The following TMEM178B variants were observed in gnomAD, a reference collection of about 807,000 sequenced individuals.
TMEM178B encodes the protein transmembrane protein 178B.
TMEM178B carries 5 observed loss-of-function variants against 31.0 expected under a neutral mutation model. The ratio of observed to expected loss-of-function variants is 0.16; its 90% CI spans 0.08 to 0.34. The LOEUF (loss-of-function observed/expected upper bound fraction) is 0.34, where lower values mean the gene tolerates loss of function less well. Ranked by LOEUF, TMEM178B falls within the 10% of genes least tolerant of loss-of-function variation. The pLI is 1.00. For synonymous variants in TMEM178B, 164 were observed against 164.0 expected (o/e 1.00, Z 0.00); for missense variants, 275 against 400.3 (o/e 0.69, Z 2.67).
chr7:141,454,460 GTCAGCCT>G (rs1801924103), intron 3 of TMEM178B, among the ~76,000 whole-genome samples: 1 of 152,142 alleles, frequency 6.6e-6, no homozygotes, highest in South Asian at 2.1e-4. Flanking sequence ...TCTCCATGTG[GTCAGCCT>G]TCCTGGGGTC....
Position 141,297,626 on chromosome 7 carries a change from G to A in TMEM178B, c.496+84922G>A, listed in dbSNP as rs1488245532. ...GTGGTGTTTGTTTTTCTGTCCTTGC[G>A]ATAGTTTGCTGAGAATGATGGTTTC... is the stretch of plus-strand genomic sequence containing the variant. On this transcript the variant is annotated intron_variant, in intron 2 of 3. Coordinates refer to ENST00000565468, the MANE Select transcript of TMEM178B (RefSeq NM_001195278.2). Among the ~76,000 whole-genome samples the A allele has an allele frequency of 3.9e-5, 6 of 152,196 alleles. No homozygotes were observed. The East Asian group carries it at 5.8e-4, about 15-fold the overall frequency.
intron 3 of TMEM178B, among the ~76,000 whole-genome samples, chr7:141,447,814 CA>C: frequency 6.6e-6 from 1 of 151,966 alleles, no homozygotes; most frequent in Non-Finnish European, 1.5e-5. Context: ...TTGTGGGGCC[CA>C]GTGCAGGATG....
chr7:141,432,297 C>T (rs556161575), intron 2 of TMEM178B, among the ~76,000 whole-genome samples: 4 of 151,946 alleles, frequency 2.6e-5, no homozygotes, highest in Admixed American at 1.3e-4. Flanking sequence ...CTATGATTAC[C>T]GGGGCATGCC....
intron 2 of TMEM178B, among the ~76,000 whole-genome samples, chr7:141,372,273 G>A (rs1800131428): frequency 6.6e-6 from 1 of 152,044 alleles, no homozygotes; most frequent in Non-Finnish European, 1.5e-5. Context: ...CCTTCTCTTG[G>A]TGACCTACAG....
intron 1 of TMEM178B, among the ~76,000 whole-genome samples, chr7:141,208,736 C>T (rs1797004859): frequency 1.3e-5 from 2 of 152,130 alleles, no homozygotes; most frequent in African/African-American, 4.8e-5. Context: ...GGCTGGGCTG[C>T]GGTTGGAGGA....
intron 2 of TMEM178B, among the ~76,000 whole-genome samples, chr7:141,383,326 G>T (rs376883435): frequency 1.3e-5 from 2 of 150,750 alleles, no homozygotes; most frequent in African/African-American, 4.9e-5. Flanking sequence ...CCATTAACTC[G>T]TCATTTACAT....
intron 1 of TMEM178B, among the ~76,000 whole-genome samples, chr7:141,103,350 C>G (rs1212449232): frequency 6.6e-6 from 1 of 152,186 alleles, no homozygotes; most frequent in Non-Finnish European, 1.5e-5. Context: ...AGCATGTTTT[C>G]TCTCTCGTAT....
chr7:141,423,016 G>T (rs1801242592), intron 2 of TMEM178B, among the ~76,000 whole-genome samples: 1 of 152,134 alleles, frequency 6.6e-6, no homozygotes, highest in Non-Finnish European at 1.5e-5. Flanking sequence ...GACACAAAAA[G>T]AAACAGGTAA....
chr7:141,137,279 C>T (rs1795690159), intron 1 of TMEM178B, among the ~76,000 whole-genome samples: 1 of 152,142 alleles, frequency 6.6e-6, no homozygotes, highest in Admixed American at 6.5e-5. Context: ...TATTGCAGCA[C>T]TATTCACAAT....
At chr7:141,112,556 A>G (rs1488774361) in intron 1 of TMEM178B, among the ~76,000 whole-genome samples, 2 of 152,188 alleles carry the variant, frequency 1.3e-5, no homozygotes. Flanking sequence ...GCCTAACCGA[A>G]GTCTTTTATT....
chr7:141,150,225 A>C (rs908008737), intron 1 of TMEM178B, among the ~76,000 whole-genome samples: 1 of 152,208 alleles, frequency 6.6e-6, no homozygotes, highest in Non-Finnish European at 1.5e-5. Context: ...GAAGTCACCC[A>C]GGGAGAGGAA....
intron 2 of TMEM178B, among the ~76,000 whole-genome samples, chr7:141,371,974 C>G (rs1800125177): frequency 6.6e-6 from 1 of 152,206 alleles, no homozygotes; most frequent in Non-Finnish European, 1.5e-5. Context: ...TTATTTTTCA[C>G]TTCTTAAATA....
At chr7:141,182,324 C>T (rs1470921881) in intron 1 of TMEM178B, among the ~76,000 whole-genome samples, 2 of 152,168 alleles carry the variant, frequency 1.3e-5, no homozygotes, top group Non-Finnish European at 2.9e-5. Context: ...AGGGTGGGGC[C>T]AACAGCCCTG....
rs373659711 is a variant in TMEM178B, at chr7:141,330,038, A to G, written c.497-107570A>G. On this transcript the variant is annotated intron_variant, in intron 2 of 3. Transcript: ENST00000565468. ...GGTGAAGATGGCCATGGTAACCCTGAGAAATTTAATCTTCACCCTGAGGGC... is the reference window on the plus strand; with the variant it reads ...GGTGAAGATGGCCATGGTAACCCTGGGAAATTTAATCTTCACCCTGAGGGC... 1.4e-4 allele frequency among the ~76,000 whole-genome samples: 21 copies of G among 152,290 alleles called. No homozygotes were observed. In the South Asian group the frequency reaches 4.1e-3, roughly 30 times the overall value.
At chr7:141,355,570 A>G (rs908650437) in intron 2 of TMEM178B, among the ~76,000 whole-genome samples, 1 of 152,250 alleles carries the variant, frequency 6.6e-6, no homozygotes, top group Non-Finnish European at 1.5e-5. Flanking sequence ...CTTGATTGGC[A>G]TTCAATGCAG....
chr7:141,336,919 C>T, intron 2 of TMEM178B, among the ~76,000 whole-genome samples: 1 of 139,226 alleles, frequency 7.2e-6, no homozygotes, highest in Non-Finnish European at 1.6e-5. Flanking sequence ...TCACCACCAC[C>T]ACCACCACCA....
chr7:141,359,373 C>T (rs1799877952), intron 2 of TMEM178B, among the ~76,000 whole-genome samples: 1 of 152,162 alleles, frequency 6.6e-6, no homozygotes, highest in East Asian at 1.9e-4. Flanking sequence ...TCTCTCTTTA[C>T]CATTTTCTTA....
intron 2 of TMEM178B, among the ~76,000 whole-genome samples, chr7:141,235,718 A>T (rs1049520111): frequency 6.6e-6 from 1 of 152,238 alleles, no homozygotes; most frequent in Non-Finnish European, 1.5e-5. Context: ...GTCTATGCAT[A>T]TGTTAGTCCC....
At chr7:141,118,593 T>G (rs2129176061) in intron 1 of TMEM178B, among the ~76,000 whole-genome samples, 1 of 152,358 alleles carries the variant, frequency 6.6e-6, no homozygotes, top group South Asian at 2.1e-4. Context: ...GGGGAAGCTC[T>G]GGGCCTGCTC....
Sources: gnomAD v4.1 joint callset for allele counts (sites outside exome capture counted in the v4.1 genomes callset) on GRCh38, gnomAD v4.1.1 for gene constraint, MANE v1.5 for transcripts, NCBI Gene and HGNC (gene_info 2026-07-23, HGNC 2026-07-21) for gene names.